The following UGT1A5 variants were observed in gnomAD, a reference collection of about 807,000 sequenced individuals.
UGT1A5 encodes the protein UDP glucuronosyltransferase family 1 member A5, also known as UDP-glucuronosyltransferase 1A5.
A neutral mutation model predicts 40.3 loss-of-function variants in UGT1A5; 29 were observed. That is an observed-to-expected ratio of 0.72 (90% CI 0.54 to 0.98). UGT1A5 has a LOEUF of 0.98. Among genes scored for constraint, UGT1A5 ranks in the 50% least tolerant of loss-of-function variants. The probability of loss-of-function intolerance (pLI) is 0.00; values close to 1 mark genes in which losing one functional copy is unlikely to be tolerated. For synonymous variants in UGT1A5, 257 were observed against 262.5 expected, an observed-to-expected ratio of 0.98 and a Z score of 0.20; for missense variants, 678 against 677.9, an observed-to-expected ratio of 1.00 and a Z score of 0.00.
At position 233,767,956 on chromosome 2, in the gene UGT1A5, T is replaced by C; in HGVS notation, c.1087+20T>C. The stretch of plus-strand genomic sequence containing the variant: ...TGCTTGGTATGTTGGGCGGATTGGA[T>C]GTATAGGTCAAACCAGGGTCAAATT... On this transcript the variant is annotated intron_variant, in intron 3 of 4. Coordinates refer to ENST00000373414, the MANE Select transcript of UGT1A5 (RefSeq NM_019078.2). 1.9e-6 allele frequency: 3 copies of C among 1,614,192 alleles called. No homozygotes were observed. Among genetic ancestry groups the C allele is most frequent in the Non-Finnish European group, 2.5e-6 (3 of 1,180,026 alleles).
chr2:233,769,449 G>A lies in UGT1A5; in HGVS notation c.1307+1010G>A, dbSNP rs538754639. ...GCTGTGCTCATGTGTGGGTGCACAC[G>A]TGTGCATTCATATGCGTGTGTGTGT... On this transcript the variant is annotated intron_variant, in intron 4 of 4. Coordinates refer to ENST00000373414, the MANE Select transcript of UGT1A5 (RefSeq NM_019078.2). The surrounding 1 kb of genome is among the most constrained non-coding windows in gnomAD (Gnocchi z 4.4). The A allele has an allele frequency of 8.2e-5, 130 of 1,580,920 alleles. 1 individual carries two copies. The highest frequency in any genetic ancestry group is 7.2e-4 in the African/African-American group (54 of 74,488).
At position 233,749,056 on chromosome 2, in the gene UGT1A5, A is replaced by T. The variant is rs140417619; in HGVS notation, c.868-17978A>T. Among the ~76,000 whole-genome samples, 122 of 151,804 alleles carry T rather than the reference A, an allele frequency of 8.0e-4. 1 individual carries two copies. Among genetic ancestry groups the T allele is most frequent in the African/African-American group, 2.8e-3 (116 of 41,130 alleles). On this transcript the variant is annotated intron_variant, in intron 1 of 4. Transcript: ENST00000373414. ...CATTGATGTGGTACTCTGGGACCTG[A>T]ATATTGTTTCTTATTCCTTGGTGTG... is the stretch of plus-strand genomic sequence containing the variant.
At chr2:233,718,642 C>T in intron 1 of UGT1A5, 2 of 1,479,382 alleles carry the variant, frequency 1.4e-6, no homozygotes, top group South Asian at 2.6e-5. Context: ...CAGGGTTGGG[C>T]CCATAACGAA....
At chr2:233,741,895 C>T (rs1371352009) in intron 1 of UGT1A5, 1 of 151,808 alleles carries the variant, frequency 6.6e-6, no homozygotes, top group African/African-American at 2.4e-5. Flanking sequence ...GAAGAAGGGA[C>T]CCTTTGTGAT....
chr2:233,743,991 G>C (rs368834284), intron 1 of UGT1A5: 29 of 1,251,932 alleles, frequency 2.3e-5, no homozygotes, highest in African/African-American at 7.8e-5. Context: ...GCGCAGGCCC[G>C]AGTGCTCGGA....
At chr2:233,724,343 C>G (rs2077229660) in intron 1 of UGT1A5, among the ~76,000 whole-genome samples, 1 of 142,886 alleles carries the variant, frequency 7.0e-6, no homozygotes, top group Non-Finnish European at 1.5e-5. Context: ...GGGGCTGACC[C>G]CCCCCACCTC....
chr2:233,750,101 C>T (rs1348616691), intron 1 of UGT1A5, among the ~76,000 whole-genome samples: 1 of 151,822 alleles, frequency 6.6e-6, no homozygotes, highest in Non-Finnish European at 1.5e-5. Flanking sequence ...TTGGAGAGCT[C>T]AGAAGAAGAC....
chr2:233,764,455 C>T (rs1040568062), intron 1 of UGT1A5, among the ~76,000 whole-genome samples: 13 of 152,170 alleles, frequency 8.5e-5, no homozygotes, highest in African/African-American at 2.7e-4. Context: ...TTTAAACTTT[C>T]GTGATCTCCT....
chr2:233,746,345 T>C (rs887408714), intron 1 of UGT1A5, among the ~76,000 whole-genome samples: 14 of 151,796 alleles, frequency 9.2e-5, no homozygotes, highest in African/African-American at 1.7e-4. Context: ...GACATGTTTA[T>C]GTTGCTCCTT....
At chr2:233,742,213 CAGGGCTGAG>C (rs1691910007) in intron 1 of UGT1A5, among the ~76,000 whole-genome samples, 1 of 151,938 alleles carries the variant, frequency 6.6e-6, no homozygotes, top group Non-Finnish European at 1.5e-5. Context: ...TCACAGCCTT[CAGGGCTGAG>C]AGCCCCAAAC....
At chr2:233,751,729 C>G (rs1442411823) in intron 1 of UGT1A5, among the ~76,000 whole-genome samples, 1 of 152,154 alleles carries the variant, frequency 6.6e-6, no homozygotes, top group South Asian at 2.1e-4. Flanking sequence ...TGAACTCTTC[C>G]TCTCTGTTTC....
chr2:233,722,101 G>T, intron 1 of UGT1A5: 1 of 200,878 alleles, frequency 5.0e-6, no homozygotes, highest in East Asian at 1.4e-4. Context: ...AGGCCTCTTA[G>T]AGGAAGAGCT....
intron 1 of UGT1A5, among the ~76,000 whole-genome samples, chr2:233,717,616 G>A (rs555691364): frequency 2.6e-5 from 4 of 152,224 alleles, no homozygotes; most frequent in African/African-American, 9.6e-5. Context: ...ACAGCCCAGA[G>A]AGCCTGCCCA....
At chr2:233,765,305 A>G (rs777427074) in intron 1 of UGT1A5, among the ~76,000 whole-genome samples, 9 of 152,220 alleles carry the variant, frequency 5.9e-5, no homozygotes, top group Admixed American at 1.3e-4. Flanking sequence ...ACACATGCAC[A>G]TATTTGTTTA....
chr2:233,726,468 A>G (rs2077534050), intron 1 of UGT1A5, among the ~76,000 whole-genome samples: 1 of 152,184 alleles, frequency 6.6e-6, no homozygotes, highest in Non-Finnish European at 1.5e-5. Flanking sequence ...TCATTTCTTT[A>G]ACAGAAATTT....
chr2:233,767,710 G>A, intron 2 of UGT1A5, 139 bp from the exon 3 acceptor site: 1 of 1,527,870 alleles, frequency 6.5e-7, no homozygotes, highest in Non-Finnish European at 8.8e-7. Context: ...GTCCTCAGAA[G>A]CCTTCACAGT....
rs536726765 is a variant in UGT1A5, at chr2:233,724,607, C to T, written c.867+10749C>T. 5.2e-5 allele frequency among the ~76,000 whole-genome samples: 7 copies of T among 135,444 alleles called. 1 individual carries two copies. Among genetic ancestry groups the T allele is most frequent in the African/African-American group, 1.2e-4 (4 of 34,508 alleles). The allele number at this position is 135,444 out of a possible 152,430, so 88.9% of individuals were successfully genotyped here. On this transcript the variant is annotated intron_variant, in intron 1 of 4. Coordinates refer to ENST00000373414, the MANE Select transcript of UGT1A5 (RefSeq NM_019078.2). ...CCCCACATCTCAGACGATGGGCGGC[C>T]GGGCAGAGACGCTCCTCACTTCCTA...
At chr2:233,732,055 A>G (rs2078232493) in intron 1 of UGT1A5, among the ~76,000 whole-genome samples, 1 of 152,104 alleles carries the variant, frequency 6.6e-6, no homozygotes, top group African/African-American at 2.4e-5. Flanking sequence ...GCATTTATTC[A>G]TGTGTCTGTT....
At chr2:233,742,161 C>A (rs1479905655) in intron 1 of UGT1A5, among the ~76,000 whole-genome samples, 2 of 151,932 alleles carry the variant, frequency 1.3e-5, no homozygotes, top group African/African-American at 2.4e-5. Context: ...ATTAAAGACA[C>A]ACACACAGAA....
Sources: gnomAD v4.1 joint callset for allele counts (sites outside exome capture counted in the v4.1 genomes callset) on GRCh38, gnomAD v4.1.1 for gene constraint, Gnocchi (gnomAD v3.1) non-coding constraint, MANE v1.5 for transcripts, NCBI Gene and HGNC (gene_info 2026-07-23, HGNC 2026-07-21) for gene names.